Variants in MPP7 observed in about 807,000 individuals in gnomAD.
MPP7 encodes MAGUK p55 subfamily member 7.
Under a neutral mutation model 76.5 loss-of-function variants are expected in MPP7, and 60 were observed. The observed-to-expected ratio is 0.78, with a 90% CI of 0.64 to 0.97. The LOEUF is 0.97. Among genes scored for constraint, MPP7 ranks in the 50% least tolerant of loss-of-function variants. The pLI is 0.00. For synonymous variants in MPP7, 237 were observed against 244.5 expected (o/e 0.97, Z 0.29); for missense variants, 641 against 694.0 (o/e 0.92, Z 0.86).
intron 1 of MPP7, among the ~76,000 whole-genome samples, chr10:28,287,953 A>G (rs550826849): frequency 6.6e-6 from 1 of 152,320 alleles, no homozygotes; most frequent in East Asian, 1.9e-4. Context: ...ATGTAGCATC[A>G]AAGGGAATAT....
chr10:28,081,705 C>T (rs1011610279), intron 12 of MPP7, among the ~76,000 whole-genome samples: 3 of 151,358 alleles, frequency 2.0e-5, no homozygotes, highest in Non-Finnish European at 2.9e-5. Flanking sequence ...ATTTATGAAA[C>T]GGTTTCAAAG....
intron 3 of MPP7, among the ~76,000 whole-genome samples, chr10:28,166,023 CAAAAAAAA>C (rs9299600): frequency 2.0e-5 from 2 of 99,962 alleles, no homozygotes; most frequent in Non-Finnish European, 3.7e-5. Flanking sequence ...AGACTCATCT[CAAAAAAAA>C]AAAAAAAAAA....
At chr10:28,333,297 C>A (rs1834487174) in intron 1 of MPP7, among the ~76,000 whole-genome samples, 1 of 152,188 alleles carries the variant, frequency 6.6e-6, no homozygotes, top group African/African-American at 2.4e-5. Flanking sequence ...AGGCACCCGC[C>A]ACCACACCCA....
intron 1 of MPP7, among the ~76,000 whole-genome samples, chr10:28,287,753 T>C (rs1840821923): frequency 1.3e-5 from 2 of 152,212 alleles, no homozygotes. Flanking sequence ...TTTTTTCTAA[T>C]GGTATTATAA....
intron 5 of MPP7, among the ~76,000 whole-genome samples, chr10:28,145,463 T>A (rs1228988486): frequency 6.6e-6 from 1 of 152,172 alleles, no homozygotes; most frequent in Non-Finnish European, 1.5e-5. Context: ...AAGATTTTAG[T>A]TTACTCCCAG....
At chr10:28,308,362 C>A (rs1348059097) in intron 2 of MPP7, among the ~76,000 whole-genome samples, 1 of 152,178 alleles carries the variant, frequency 6.6e-6, no homozygotes, top group African/African-American at 2.4e-5. Flanking sequence ...CCAGGGGACA[C>A]AAATCAAGTT....
intron 1 of MPP7, among the ~76,000 whole-genome samples, chr10:28,255,571 T>G (rs1299368047): frequency 6.6e-6 from 1 of 152,012 alleles, no homozygotes; most frequent in Non-Finnish European, 1.5e-5. Context: ...CGTGCCACCA[T>G]GCTCAGCTAA....
chr10:28,247,726 T>G (rs1238663957), intron 1 of MPP7, among the ~76,000 whole-genome samples: 1 of 152,208 alleles, frequency 6.6e-6, no homozygotes, highest in Non-Finnish European at 1.5e-5. Flanking sequence ...AATGTTATAT[T>G]GTAGAGAACA....
At chr10:28,292,850 G>C (rs1840951586) in intron 1 of MPP7, among the ~76,000 whole-genome samples, 1 of 152,166 alleles carries the variant, frequency 6.6e-6, no homozygotes. Flanking sequence ...GAGAGAGAAT[G>C]TGTGTGTCTG....
At chr10:28,212,407 C>T (rs1024024689) in intron 2 of MPP7, among the ~76,000 whole-genome samples, 1 of 152,110 alleles carries the variant, frequency 6.6e-6, no homozygotes, top group African/African-American at 2.4e-5. Flanking sequence ...TTGAAGTTGC[C>T]ATCACCTATA....
chr10:28,203,000 AC>A (rs1405932256), intron 2 of MPP7: 1 of 152,106 alleles, frequency 6.6e-6, no homozygotes, highest in Non-Finnish European at 1.5e-5. Flanking sequence ...TACTACATAA[AC>A]CATCCATCTC....
At chr10:28,192,829 G>T (rs961681582) in intron 3 of MPP7, among the ~76,000 whole-genome samples, 4 of 152,138 alleles carry the variant, frequency 2.6e-5, no homozygotes, top group Admixed American at 2.0e-4. Flanking sequence ...TATCAAAGAA[G>T]AACAAAGTCT....
At chr10:28,256,097 A>G (rs1282002112) in intron 1 of MPP7, among the ~76,000 whole-genome samples, 1 of 152,148 alleles carries the variant, frequency 6.6e-6, no homozygotes. Flanking sequence ...GTATACTAGG[A>G]GTGTGAAAAG....
intron 1 of MPP7, among the ~76,000 whole-genome samples, chr10:28,276,124 G>T (rs372279052): frequency 6.7e-6 from 1 of 148,620 alleles, no homozygotes; most frequent in African/African-American, 2.5e-5. Flanking sequence ...TCCACCTCCC[G>T]GGTTCAAGCG....
intron 1 of MPP7, among the ~76,000 whole-genome samples, chr10:28,333,710 C>T (rs945339635): frequency 6.6e-6 from 1 of 152,142 alleles, no homozygotes; most frequent in Non-Finnish European, 1.5e-5. Flanking sequence ...AAACAGTTTC[C>T]ATTTGAAAAG....
At chr10:28,314,209 G>A (rs1841306464) in intron 2 of MPP7, among the ~76,000 whole-genome samples, 3 of 152,182 alleles carry the variant, frequency 2.0e-5, no homozygotes, top group Non-Finnish European at 4.4e-5. Context: ...TATGTGCCAG[G>A]TAGTGTGGTG....
chr10:28,151,938 G>A (rs10826408), intron 3 of MPP7, among the ~76,000 whole-genome samples: 28,566 of 152,038 alleles, frequency 0.19, 2,931 homozygotes, highest in East Asian at 0.37. Flanking sequence ...ATAACAAATC[G>A]CAGTGACTGC....
At chr10:28,323,011 GCACGGTGGCTCA>G (rs1254362165) in intron 2 of MPP7, among the ~76,000 whole-genome samples, 1 of 152,102 alleles carries the variant, frequency 6.6e-6, no homozygotes, top group Non-Finnish European at 1.5e-5. Flanking sequence ...TAGGGGCCGG[GCACGGTGGCTCA>G]CACCTGTAAT....
At chr10:28,210,331 A>G (rs1458287459) in intron 2 of MPP7, among the ~76,000 whole-genome samples, 1 of 152,200 alleles carries the variant, frequency 6.6e-6, no homozygotes, top group Admixed American at 6.5e-5. Context: ...TTACTTTTGC[A>G]CCAACCTAAT....
Sources: gnomAD v4.1 joint callset for allele counts (sites outside exome capture counted in the v4.1 genomes callset) on GRCh38, gnomAD v4.1.1 for gene constraint, MANE v1.5 for transcripts, NCBI Gene and HGNC (gene_info 2026-07-23, HGNC 2026-07-21) for gene names.